The following TP73 variants were observed in gnomAD, a reference collection of about 807,000 sequenced individuals.
TP73 encodes tumor protein p73.
TP73 carries 25 observed loss-of-function variants against 62.5 expected under a neutral mutation model. That is an observed-to-expected ratio of 0.40 (90% confidence interval 0.29 to 0.56). The LOEUF (loss-of-function observed/expected upper bound fraction) is 0.56. Ranked by LOEUF, TP73 falls within the 20% of genes least tolerant of loss-of-function variation. The pLI, the probability that TP73 is intolerant of heterozygous loss-of-function variation, is 0.46. For synonymous variants in TP73, 423 were observed against 377.5 expected (o/e 1.12, Z -1.40); for missense variants, 754 against 913.3 (o/e 0.83, Z 2.25).
intron 6 of TP73, among the ~76,000 whole-genome samples, chr1:3,726,546 A>G (rs1490516217): frequency 6.8e-5 from 8 of 117,330 alleles, no homozygotes; most frequent in South Asian, 3.3e-4. Flanking sequence ...ATGGATGGGT[A>G]GGTGGATGGA....
chr1:3,658,170 T>C (rs1191395494), intron 1 of TP73, among the ~76,000 whole-genome samples: 3 of 152,010 alleles, frequency 2.0e-5, no homozygotes, highest in African/African-American at 7.2e-5. Flanking sequence ...GCAGGGACCG[T>C]GGAGGGGACA....
chr1:3,666,740 T>C lies in TP73; in HGVS notation c.-34+14099T>C, dbSNP rs1645123094. On this transcript the variant is annotated intron_variant, in intron 1 of 13. Coordinates refer to ENST00000378295, the MANE Select transcript of TP73 (RefSeq NM_005427.4). This position sits in a 1 kb window ranked among gnomAD's most constrained non-coding sequence, Gnocchi z 6.4. ...CCTTCAGCTCGGAAGTGAGTAAGCA[T>C]TGGCGGTGGGGATGGTGCTCTGAGC... Among the ~76,000 whole-genome samples the C allele has an allele frequency of 6.6e-6, 1 of 152,066 alleles. No individual in the cohort carries two copies. The highest frequency in any genetic ancestry group is 6.6e-5 in the Admixed American group (1 of 15,262).
rs770660768 is a variant in TP73, at chr1:3,736,093, A to T, written c.*3014A>T. On this transcript the variant is annotated 3_prime_UTR_variant, in exon 14 of 14. Transcript: ENST00000378295. ...GTATTAATGGACGCCCTCCAATGAC[A>T]TAACAACTGTTTTTGGTAATGTAAT... 13 of 152,262 alleles carry T rather than the reference A, an allele frequency of 8.5e-5. No homozygotes were observed. In the South Asian group the frequency reaches 1.0e-3, roughly 12 times the overall value. 9.4% of individuals were successfully genotyped at this position (152,262 alleles called of 1,614,324 possible). A position where few individuals can be genotyped will look rare whatever the true frequency, so the allele number is the denominator to read the frequency against.
chr1:3,680,678 C>G (rs1050387289), intron 1 of TP73, among the ~76,000 whole-genome samples: 2 of 152,328 alleles, frequency 1.3e-5, no homozygotes, highest in Admixed American at 1.3e-4. Flanking sequence ...TGGGCAAGGG[C>G]GGGTTCTGCT....
In TP73 at chr1:3,708,307, G is replaced by A. The variant is rs140391190; in HGVS notation, c.429+516G>A. 1,688 of 169,224 alleles carry A rather than the reference G, an allele frequency of 1.0e-2. 30 individuals carry two copies. Among genetic ancestry groups the A allele is most frequent in the African/African-American group, 0.037 (1,546 of 42,202 alleles). The allele number at this position is 169,224 out of a possible 1,614,324, so 10.5% of individuals were successfully genotyped here. A position where few individuals can be genotyped will look rare whatever the true frequency, so the allele number is the denominator to read the frequency against. ...GAATTGGCATGCACCAAGGAGATGGGGTGGAACCACCGTGCCAAGGGCTCA... is the reference window on the plus strand; with the variant it reads ...GAATTGGCATGCACCAAGGAGATGGAGTGGAACCACCGTGCCAAGGGCTCA... On this transcript the variant is annotated intron_variant, in intron 4 of 13. Transcript: ENST00000378295.
chr1:3,686,548 G>T (rs1419345515), intron 3 of TP73, among the ~76,000 whole-genome samples: 2 of 152,206 alleles, frequency 1.3e-5, no homozygotes, highest in Non-Finnish European at 2.9e-5. Context: ...ACTGGCCCCT[G>T]CAGAGGAGGC....
rs569757383 is a variant in TP73, at chr1:3,666,924, C to T, written c.-34+14283C>T. Among the ~76,000 whole-genome samples, 10 of 152,148 alleles carry T rather than the reference C, an allele frequency of 6.6e-5. No individual in the cohort carries two copies. The highest frequency in any genetic ancestry group is 1.3e-4 in the Admixed American group (2 of 15,272). On this transcript the variant is annotated intron_variant, in intron 1 of 13. Coordinates refer to ENST00000378295, the MANE Select transcript of TP73 (RefSeq NM_005427.4). This position sits in a 1 kb window ranked among gnomAD's most constrained non-coding sequence, Gnocchi z 6.4. Reference sequence around the variant, plus strand: ...TCTTCACGTCCCAATCCCCAGAACCCGTGTCTATGTTATTTCCCATGGCAA... The same window carrying T: ...TCTTCACGTCCCAATCCCCAGAACCTGTGTCTATGTTATTTCCCATGGCAA...
chr1:3,682,195 A>T, intron 1 of TP73, 138 bp from the exon 2 acceptor site: 2 of 558,894 alleles, frequency 3.6e-6, no homozygotes, highest in Non-Finnish European at 2.9e-6. Context: ...GAGAGGGCAC[A>T]GGGAGGGCAA....
At chr1:3,690,729 G>A (rs1209687199) in intron 3 of TP73, 50 of 1,434,332 alleles carry the variant, frequency 3.5e-5, no homozygotes, top group South Asian at 4.4e-5. Context: ...GCCAACAAAC[G>A]GCCCGCATGT....
chr1:3,683,823 A>T (rs1645581683), intron 3 of TP73, among the ~76,000 whole-genome samples: 1 of 152,194 alleles, frequency 6.6e-6, no homozygotes, highest in Admixed American at 6.5e-5. Context: ...GAACAGGGTG[A>T]CAATGGAATG....
rs970843964 is a variant in TP73 at position 3,672,181 on chromosome 1, A to G, written c.-33-10152A>G. 6.6e-6 allele frequency among the ~76,000 whole-genome samples: 1 copy of G among 152,086 alleles called. No homozygotes were observed. The highest frequency in any genetic ancestry group is 2.4e-5 in the African/African-American group (1 of 41,398). ...TATGTGTAGGGTGGGGACATCTCAG[A>G]GTGGAGCATCCCCACCAAGGGTGTC... On this transcript the variant is annotated intron_variant, in intron 1 of 13. Transcript: ENST00000378295. This position sits in a 1 kb window ranked among gnomAD's most constrained non-coding sequence, Gnocchi z 5.3.
At chr1:3,724,501 C>T (rs956220610) in intron 6 of TP73, among the ~76,000 whole-genome samples, 1 of 152,188 alleles carries the variant, frequency 6.6e-6, no homozygotes, top group Non-Finnish European at 1.5e-5. Flanking sequence ...CCCCTTATGT[C>T]AGCAGAACCA....
chr1:3,717,549 G>T (rs906619328), intron 4 of TP73, among the ~76,000 whole-genome samples: 1 of 152,216 alleles, frequency 6.6e-6, no homozygotes, highest in Non-Finnish European at 1.5e-5. Context: ...AAGGCAGGAG[G>T]GGGGCGGCGG....
intron 3 of TP73, chr1:3,690,917 C>T (rs1404348107): frequency 8.2e-6 from 13 of 1,580,800 alleles, no homozygotes; most frequent in Middle Eastern, 1.7e-4. Flanking sequence ...TGCTGTACGT[C>T]GGTGACCCCG....
rs1645036222 is a variant in TP73, at chr1:3,663,254, C to G, written c.-34+10613C>G. Among the ~76,000 whole-genome samples, 1 of 152,164 alleles carries G rather than the reference C, an allele frequency of 6.6e-6. No individual in the cohort carries two copies. Among genetic ancestry groups the G allele is most frequent in the African/African-American group, 2.4e-5 (1 of 41,430 alleles). Reference sequence around the variant, plus strand: ...CCTCTGCCTATCACGAGCCTGGTGGCTGCCGTACCAGTAATGAAAGACAAG... The same window carrying G: ...CCTCTGCCTATCACGAGCCTGGTGGGTGCCGTACCAGTAATGAAAGACAAG... On this transcript the variant is annotated intron_variant, in intron 1 of 13. Transcript: ENST00000378295. The surrounding 1 kb of genome is among the most constrained non-coding windows in gnomAD (Gnocchi z 4.7).
intron 6 of TP73, among the ~76,000 whole-genome samples, chr1:3,725,747 G>GTGGATGGA (rs368804380): frequency 0.61 from 22,379 of 36,506 alleles, 8,291 homozygotes; most frequent in Non-Finnish European, 0.73. Context: ...AAATGGGGGA[G>GTGGATGGA]TGGATGGATG....
intron 3 of TP73, among the ~76,000 whole-genome samples, chr1:3,700,834 T>C (rs1320578230): frequency 6.7e-6 from 1 of 150,338 alleles, no homozygotes; most frequent in Admixed American, 6.6e-5. Context: ...AGTCAACAGG[T>C]GCAATGGGAA....
At chr1:3,687,149 G>A (rs1472498355) in intron 3 of TP73, among the ~76,000 whole-genome samples, 1 of 152,180 alleles carries the variant, frequency 6.6e-6, no homozygotes, top group African/African-American at 2.4e-5. Context: ...TGGCTCACAG[G>A]GACCTCACTC....
At chr1:3,732,689 C>T (rs750474168) in intron 13 of TP73, 58 bp from the exon 14 acceptor site, 20 of 1,437,654 alleles carry the variant, frequency 1.4e-5, no homozygotes, top group Non-Finnish European at 1.8e-5. Flanking sequence ...CCCAGGGCGA[C>T]CCCCCCTGCT....
Sources: gnomAD v4.1 joint callset for allele counts (sites outside exome capture counted in the v4.1 genomes callset) on GRCh38, gnomAD v4.1.1 for gene constraint, Gnocchi (gnomAD v3.1) non-coding constraint, MANE v1.5 for transcripts, NCBI Gene and HGNC (gene_info 2026-07-23, HGNC 2026-07-21) for gene names.